NR2F1: variants seen among roughly 807,000 people sequenced by gnomAD.
NR2F1 encodes the protein nuclear receptor subfamily 2 group F member 1.
Under a neutral mutation model 37.7 loss-of-function variants are expected in NR2F1, and 1 was observed. That is an observed-to-expected ratio of 0.03 (90% CI 0.01 to 0.13). The LOEUF is 0.13. Among genes scored for constraint, NR2F1 ranks in the 10% least tolerant of loss-of-function variants. The probability of loss-of-function intolerance (pLI) is 1.00; values close to 1 mark genes in which losing one functional copy is unlikely to be tolerated. For synonymous variants in NR2F1, 275 were observed against 259.6 expected, an observed-to-expected ratio of 1.06 and a Z score of -0.57; for missense variants, 268 against 578.4, an observed-to-expected ratio of 0.46 and a Z score of 5.50.
At chr5:93,588,537 C>A in intron 2 of NR2F1, 93 bp downstream of exon 2, 1 of 914,720 alleles carries the variant, frequency 1.1e-6, no homozygotes, top group Non-Finnish European at 1.3e-6. Flanking sequence ...TCCCGCGCGG[C>A]CGGTGCGGGG....
intron 2 of NR2F1, 58 bp downstream of exon 2, chr5:93,588,502 C>G: frequency 7.7e-7 from 1 of 1,299,052 alleles, no homozygotes; most frequent in Non-Finnish European, 9.8e-7. Context: ...AGGCCCCGCG[C>G]CGCCCGGGCC....
intron 2 of NR2F1, among the ~76,000 whole-genome samples, chr5:93,588,777 G>A (rs1430752582): frequency 1.4e-5 from 2 of 138,890 alleles, no homozygotes; most frequent in Non-Finnish European, 3.0e-5. Context: ...CCGTCTGGCT[G>A]CGCGCGCGCG....
chr5:93,589,841 T>C (rs1368978385), intron 2 of NR2F1, among the ~76,000 whole-genome samples: 1 of 152,264 alleles, frequency 6.6e-6, no homozygotes, highest in Non-Finnish European at 1.5e-5. Context: ...AGATAATTTA[T>C]TTAGACAAGA....
intron 2 of NR2F1, among the ~76,000 whole-genome samples, chr5:93,588,970 G>A (rs890006352): frequency 2.6e-5 from 4 of 152,176 alleles, no homozygotes; most frequent in African/African-American, 4.8e-5. Flanking sequence ...GACACAGAGA[G>A]AGGTGGAAAG....
Position 93,593,692 on chromosome 5 carries a change from G to C in NR2F1, c.1122G>C (p.Leu374=), listed in dbSNP as rs755893427. The C allele has an allele frequency of 6.2e-7, 1 of 1,614,058 alleles. No homozygotes were observed. ...PSRFGKLLLR[L]PSLRTVSSSV... Reference sequence around the variant, plus strand: ...GTTTTGGCAAACTGCTGCTGCGACTGCCCTCGCTGCGCACCGTGTCCTCCT... The same window carrying C: ...GTTTTGGCAAACTGCTGCTGCGACTCCCCTCGCTGCGCACCGTGTCCTCCT... The change falls in exon 3 of 3, where the codon CTG becomes CTC. Residue 374 remains leucine (L), a synonymous_variant. Transcript: ENST00000327111. This position sits in a 1 kb window ranked among gnomAD's most constrained non-coding sequence, Gnocchi z 5.6.
rs1753163485 is a variant in NR2F1 at position 93,583,424 on chromosome 5, T to C, written c.-1600T>C. Reference sequence around the variant, plus strand: ...TCTCTTTCTCTTTTCTTACATATTCTACTAGTTGTTTTCCCCTTCTTCTTC... The same window carrying C: ...TCTCTTTCTCTTTTCTTACATATTCCACTAGTTGTTTTCCCCTTCTTCTTC... On this transcript the variant is annotated 5_prime_UTR_variant, in exon 1 of 3. Transcript: ENST00000327111. The C allele has an allele frequency of 1.3e-5, 2 of 151,722 alleles. No individual in the cohort carries two copies. The highest frequency in any genetic ancestry group is 1.3e-4 in the Admixed American group (2 of 15,212). 9.4% of individuals were successfully genotyped at this position (151,722 alleles called of 1,614,324 possible). A position where few individuals can be genotyped will look rare whatever the true frequency, so the allele number is the denominator to read the frequency against.
chr5:93,593,737 C>G lies in NR2F1; in HGVS notation c.1167C>G (p.Phe389Leu). ...CCTCCTCCGTCATCGAGCAGCTCTT[C>G]TTCGTCCGTTTGGTAGGTAAAACCC... Reference protein sequence around the residue: ...TVSSSVIEQLFFVRLVGKTPI... With the variant: ...TVSSSVIEQLLFVRLVGKTPI... The change falls in exon 3 of 3, where the codon TTC becomes TTG. Residue 389 changes from phenylalanine to leucine, a missense_variant. Phe to Leu is a conservative substitution (Grantham distance 22). Around this residue, in one of 5 missense-constraint regions of NR2F1, gnomAD observed 99 missense variants for 191.9 expected, o/e 0.52. Transcript: ENST00000327111. This position sits in a 1 kb window ranked among gnomAD's most constrained non-coding sequence, Gnocchi z 5.6. 6.2e-7 allele frequency: 1 copy of G among 1,614,262 alleles called. No individual in the cohort carries two copies. The highest frequency in any genetic ancestry group is 8.5e-7 in the Non-Finnish European group (1 of 1,180,052).
chr5:93,590,264 C>T (rs1300582010), intron 2 of NR2F1, among the ~76,000 whole-genome samples: 1 of 152,144 alleles, frequency 6.6e-6, no homozygotes, highest in Non-Finnish European at 1.5e-5. Flanking sequence ...ACTGGACAGA[C>T]GTTTTCTCAG....
intron 1 of NR2F1, among the ~76,000 whole-genome samples, chr5:93,586,537 A>G (rs1436013884): frequency 6.6e-6 from 1 of 152,246 alleles, no homozygotes; most frequent in East Asian, 1.9e-4. Context: ...GACAATCATT[A>G]AAGATGTCTT....
intron 2 of NR2F1, among the ~76,000 whole-genome samples, chr5:93,590,822 C>T (rs1187543354): frequency 6.6e-6 from 1 of 152,182 alleles, no homozygotes; most frequent in African/African-American, 2.4e-5. Flanking sequence ...CATTTGGCCT[C>T]CGGATGGTAT....
intron 1 of NR2F1, among the ~76,000 whole-genome samples, chr5:93,586,046 T>G (rs1753226265): frequency 6.6e-6 from 1 of 150,780 alleles, no homozygotes; most frequent in Admixed American, 6.6e-5. Context: ...AAAAGAGGAG[T>G]GAGATTTATT....
At chr5:93,585,637 C>T (rs1044689932) in intron 1 of NR2F1, 151 bp downstream of exon 1, 5 of 651,682 alleles carry the variant, frequency 7.7e-6, no homozygotes, top group Non-Finnish European at 1.3e-5. Flanking sequence ...CTTCCTCCCC[C>T]GGCGTCTCCC....
intron 1 of NR2F1, chr5:93,585,778 TTCTTCCCTCTG>T (rs1263989024): frequency 1.4e-5 from 6 of 443,536 alleles, no homozygotes; most frequent in Middle Eastern, 6.3e-4. Context: ...TAAAATCCCC[TTCTTCCCTCTG>T]TCTTGGATGT....
rs954495672 is a variant in NR2F1 at position 93,585,114 on chromosome 5, C to CGCGGCGGCG, written c.101_109dup (p.Gly34_Gly36dup). 1 of 984,734 alleles carries CGCGGCGGCG rather than the reference C, an allele frequency of 1.0e-6. No homozygotes were observed. The highest frequency in any genetic ancestry group is 1.2e-6 in the Non-Finnish European group (1 of 833,148). The allele number at this position is 984,734 out of a possible 1,614,324, so 61.0% of individuals were successfully genotyped here. A position where few individuals can be genotyped will look rare whatever the true frequency, so the allele number is the denominator to read the frequency against. The stretch of plus-strand genomic sequence containing the variant: ...CCCCAACCCCGCAGCGCAGGCGGCC[C>CGCGGCGGCG]GCGGCGGCGGCGGCGGCGCCGGCGA... On this transcript the variant is annotated inframe_insertion, in exon 1 of 3. Transcript: ENST00000327111.
chr5:93,585,522 C>A, intron 1 of NR2F1, 36 bp downstream of exon 1: 2 of 1,532,194 alleles, frequency 1.3e-6, no homozygotes, highest in Non-Finnish European at 1.8e-6. Flanking sequence ...CCCCGCGCTT[C>A]GCCCGCCTCC....
chr5:93,585,063 G>T lies in NR2F1; in HGVS notation c.40G>T (p.Asp14Tyr), dbSNP rs1193147148. ...TAGCAGCTGGCGAGATCCGCAGGAC[G>T]ACGTGGCCGGGGGCAACCCCGGCGG... ...VVSSWRDPQDDVAGGNPGGPN... is the reference protein window; with the variant it reads ...VVSSWRDPQDYVAGGNPGGPN... Residue 14 changes from aspartate (D) to tyrosine (Y), a missense_variant, in exon 1 of 3, where the codon GAC becomes TAC. Asp to Tyr is a radical substitution (Grantham distance 160, BLOSUM62 -3). This residue lies in a region of NR2F1 where 90 missense variants were observed against 106.5 expected (regional missense o/e 0.85). Coordinates refer to ENST00000327111, the MANE Select transcript of NR2F1 (RefSeq NM_005654.6). 8.7e-6 allele frequency: 9 copies of T among 1,035,618 alleles called. 1 individual carries two copies. Among genetic ancestry groups the T allele is most frequent in the African/African-American group, 3.5e-5 (2 of 57,854 alleles). The allele number at this position is 1,035,618 out of a possible 1,614,324, so 64.2% of individuals were successfully genotyped here. A position where few individuals can be genotyped will look rare whatever the true frequency, so the allele number is the denominator to read the frequency against.
intron 2 of NR2F1, among the ~76,000 whole-genome samples, chr5:93,590,915 C>G (rs1005608838): frequency 6.6e-6 from 1 of 152,256 alleles, no homozygotes; most frequent in Non-Finnish European, 1.5e-5. Flanking sequence ...TTAGTTCATA[C>G]ACCTAAATAT....
At chr5:93,587,814 C>T in intron 1 of NR2F1, 103 bp from the exon 2 acceptor site, 1 of 1,255,526 alleles carries the variant, frequency 8.0e-7, no homozygotes, top group Non-Finnish European at 1.1e-6. Context: ...GCGCGTGTGG[C>T]TGCGGGAAGA....
At chr5:93,587,542 A>AC (rs1468880028) in intron 1 of NR2F1, 1 of 203,502 alleles carries the variant, frequency 4.9e-6, no homozygotes. Flanking sequence ...CCTTTTTTTA[A>AC]CCCTGATTTT....
Sources: gnomAD v4.1 joint callset for allele counts (sites outside exome capture counted in the v4.1 genomes callset) on GRCh38, gnomAD v4.1.1 for gene constraint, gnomAD v4.1.1 regional missense constraint, Gnocchi (gnomAD v3.1) non-coding constraint, MANE v1.5 for transcripts, NCBI Gene and HGNC (gene_info 2026-07-23, HGNC 2026-07-21) for gene names.